The following EFCAB6 variants were observed in gnomAD, a reference collection of about 807,000 sequenced individuals.
The protein encoded by EFCAB6 is EF-hand calcium-binding domain-containing protein 6.
A neutral mutation model predicts 169.8 loss-of-function variants in EFCAB6; 156 were observed. That is an observed-to-expected ratio of 0.92 (90% CI 0.81 to 1.05). EFCAB6 has a LOEUF of 1.05. Among genes scored for constraint, EFCAB6 ranks in the 50% least tolerant of loss-of-function variants. The pLI is 0.00. For synonymous variants in EFCAB6, 698 were observed against 676.4 expected (o/e 1.03, Z -0.50); for missense variants, 1,800 against 1,829.1 (o/e 0.98, Z 0.29).
At chr22:43,693,398 G>A (rs2058474080) in intron 10 of EFCAB6, among the ~76,000 whole-genome samples, 1 of 151,024 alleles carries the variant, frequency 6.6e-6, no homozygotes, top group Non-Finnish European at 1.5e-5. Context: ...TGCAACTGAG[G>A]AACATTCTTT....
chr22:43,574,494 G>A (rs2050105070), intron 26 of EFCAB6, among the ~76,000 whole-genome samples: 1 of 152,146 alleles, frequency 6.6e-6, no homozygotes, highest in Non-Finnish European at 1.5e-5. Flanking sequence ...GAAGGGCCCA[G>A]AGCTTAGTAG....
chr22:43,555,378 G>T (rs2147077757), intron 26 of EFCAB6, among the ~76,000 whole-genome samples: 1 of 152,302 alleles, frequency 6.6e-6, no homozygotes, highest in African/African-American at 2.4e-5. Flanking sequence ...CCCAGCCCTG[G>T]GGAGGGCACA....
At chr22:43,784,167 G>C (rs2084256368) in intron 2 of EFCAB6, among the ~76,000 whole-genome samples, 1 of 152,102 alleles carries the variant, frequency 6.6e-6, no homozygotes, top group South Asian at 2.1e-4. Context: ...CAGAAACTAT[G>C]CAAGAAAGAA....
At position 43,559,278 on chromosome 22, in the gene EFCAB6, T is replaced by C. The variant is rs111426074; in HGVS notation, c.3421-4182A>G. Among the ~76,000 whole-genome samples the C allele has an allele frequency of 2.6e-3, 398 of 152,320 alleles. 2 individuals are homozygous for C. The highest frequency in any genetic ancestry group is 4.1e-3 in the Non-Finnish European group (280 of 68,020). On this transcript the variant is annotated intron_variant, in intron 26 of 31. Coordinates refer to ENST00000262726, the MANE Select transcript of EFCAB6 (RefSeq NM_022785.4). ...ATGAAAAAAAGCTCATCATCACTGG[T>C]CATTAGAGAAATGCAAACCAAAACC...
At chr22:43,535,614 T>C (rs67153209) in intron 29 of EFCAB6, 9,689 of 152,332 alleles carry the variant, frequency 0.064, 443 homozygotes, top group Non-Finnish European at 0.097. Context: ...AAGACAACAC[T>C]TCTCTGGGAG....
intron 25 of EFCAB6, 42 bp downstream of exon 25, chr22:43,580,422 C>T (rs549298704): frequency 6.3e-7 from 1 of 1,599,822 alleles, no homozygotes; most frequent in African/African-American, 1.3e-5. Flanking sequence ...TTTCATGAAT[C>T]AAGATGAGTT....
At position 43,680,122 on chromosome 22, in the gene EFCAB6, A is replaced by C. The variant is rs531534493; in HGVS notation, c.1252-1959T>G. Among the ~76,000 whole-genome samples the C allele has an allele frequency of 2.3e-4, 35 of 152,192 alleles. No individual in the cohort carries two copies. The South Asian group carries it at 7.3e-3, about 32-fold the overall frequency. On this transcript the variant is annotated intron_variant, in intron 12 of 31. Coordinates refer to ENST00000262726, the MANE Select transcript of EFCAB6 (RefSeq NM_022785.4). ...TTATGAGTTTAGCTTTTATATTTAG[A>C]TCTATTTGTGTATGGTGTAAGAGGT...
intron 2 of EFCAB6, among the ~76,000 whole-genome samples, chr22:43,784,511 ATGTGTGTGTGTGTG>A (rs370724337): frequency 8.8e-5 from 8 of 91,392 alleles, no homozygotes; most frequent in African/African-American, 3.0e-4. Context: ...AAATATATAT[ATGTGTGTGTGTGTG>A]TGTGTGTGTG....
At chr22:43,611,652 G>T (rs1278625388) in intron 21 of EFCAB6, among the ~76,000 whole-genome samples, 1 of 152,028 alleles carries the variant, frequency 6.6e-6, no homozygotes, top group Non-Finnish European at 1.5e-5. Context: ...CCAAAAATTA[G>T]CTGAGTGTGG....
intron 27 of EFCAB6, among the ~76,000 whole-genome samples, chr22:43,545,596 G>A (rs998044118): frequency 3.9e-5 from 6 of 152,284 alleles, no homozygotes; most frequent in Middle Eastern, 6.8e-3. Flanking sequence ...CTCAGGGGTT[G>A]GGAGACTGAG....
chr22:43,590,139 C>A lies in EFCAB6; in HGVS notation c.2967G>T (p.Met989Ile). 1.9e-6 allele frequency: 3 copies of A among 1,614,144 alleles called. No individual in the cohort carries two copies. Among genetic ancestry groups the A allele is most frequent in the Non-Finnish European group, 2.5e-6 (3 of 1,180,020 alleles). ...SKTNYISICK[M>I]QEVLEECGCS... ...ATCCACATTCTTCCAGCACTTCCTG[C>A]ATCTTGCATATGGATATGTAGTTGG... The change falls in exon 24 of 32, where the codon ATG becomes ATT. Residue 989 changes from methionine to isoleucine, a missense_variant. Physicochemically the swap from Met to Ile is conservative, Grantham distance 10 (BLOSUM62 1). Coordinates refer to ENST00000262726, the MANE Select transcript of EFCAB6 (RefSeq NM_022785.4).
rs9614448 is a variant in EFCAB6 at position 43,599,434 on chromosome 22, C to T, written c.2876+635G>A. Among the ~76,000 whole-genome samples, 242 of 134,924 alleles carry T rather than the reference C, an allele frequency of 1.8e-3. 1 individual carries two copies. The highest frequency in any genetic ancestry group is 3.1e-3 in the Non-Finnish European group (202 of 65,106). The allele number at this position is 134,924 out of a possible 152,430, so 88.5% of individuals were successfully genotyped here. A position where few individuals can be genotyped will look rare whatever the true frequency, so the allele number is the denominator to read the frequency against. On this transcript the variant is annotated intron_variant, in intron 23 of 31. Coordinates refer to ENST00000262726, the MANE Select transcript of EFCAB6 (RefSeq NM_022785.4). ...CTGAATCAGGAGAATCGCTTGAACC[C>T]GGGAGGTGGAGGTTGCAGTGAGCTC...
intron 6 of EFCAB6, among the ~76,000 whole-genome samples, chr22:43,753,708 G>C (rs1160483914): frequency 6.6e-6 from 1 of 152,182 alleles, no homozygotes; most frequent in Non-Finnish European, 1.5e-5. Flanking sequence ...CATTGCAGAA[G>C]AAAACAATTA....
chr22:43,802,206 C>T lies in EFCAB6; in HGVS notation c.-8+6789G>A, dbSNP rs540745579. 2.0e-5 allele frequency among the ~76,000 whole-genome samples: 3 copies of T among 152,264 alleles called. No individual in the cohort carries two copies. The Middle Eastern group carries it at 0.01, about 518-fold the overall frequency. ...CACCGACATCCCACTGCCATCATCA[C>T]CATGCCCAAGAGAAAGGTTGAATAG... On this transcript the variant is annotated intron_variant, in intron 2 of 31. Transcript: ENST00000262726.
chr22:43,606,762 T>C (rs961162245), intron 22 of EFCAB6, among the ~76,000 whole-genome samples: 6 of 152,228 alleles, frequency 3.9e-5, no homozygotes, highest in African/African-American at 1.4e-4. Flanking sequence ...AATCTGCACA[T>C]TTCATAATTA....
At chr22:43,634,609 T>A (rs772545654) in intron 18 of EFCAB6, among the ~76,000 whole-genome samples, 7 of 142,018 alleles carry the variant, frequency 4.9e-5, no homozygotes, top group Non-Finnish European at 1.1e-4. Flanking sequence ...GAAAGCAGCA[T>A]CACTGAGTGG....
chr22:43,602,639 A>G (rs893083051), intron 22 of EFCAB6, among the ~76,000 whole-genome samples: 4 of 152,060 alleles, frequency 2.6e-5, no homozygotes, highest in African/African-American at 4.8e-5. Flanking sequence ...CTCTGAATAA[A>G]GCTCCCAGGG....
At chr22:43,608,622 T>C in intron 21 of EFCAB6, 22 bp from the exon 22 acceptor site, 1 of 1,607,550 alleles carries the variant, frequency 6.2e-7, no homozygotes, top group Non-Finnish European at 8.5e-7. Flanking sequence ...GAATACGGTA[T>C]TTAGGAACAT....
At chr22:43,779,194 A>C (rs1196160310) in intron 3 of EFCAB6, among the ~76,000 whole-genome samples, 1 of 152,238 alleles carries the variant, frequency 6.6e-6, no homozygotes, top group Non-Finnish European at 1.5e-5. Flanking sequence ...CAGAGTGTAC[A>C]TGCTAGAAAA....
Sources: allele counts gnomAD v4.1 joint callset (sites outside exome capture counted in the v4.1 genomes callset), GRCh38; gene constraint gnomAD v4.1.1; transcripts MANE v1.5; gene names NCBI Gene and HGNC (gene_info 2026-07-23, HGNC 2026-07-21).